Variants in NMNAT2 observed in about 807,000 individuals in gnomAD.
NMNAT2 encodes nicotinamide nucleotide adenylyltransferase 2.
NMNAT2 carries 11 observed loss-of-function variants against 41.6 expected under a neutral mutation model. The ratio of observed to expected loss-of-function variants is 0.26; its 90% CI spans 0.17 to 0.44. The LOEUF (loss-of-function observed/expected upper bound fraction) is 0.44. Ranked by LOEUF, NMNAT2 falls within the 20% of genes least tolerant of loss-of-function variation. The probability of loss-of-function intolerance (pLI) is 1.00; values close to 1 mark genes in which losing one functional copy is unlikely to be tolerated. For synonymous variants in NMNAT2, 148 were observed against 151.2 expected, an observed-to-expected ratio of 0.98 and a Z score of 0.16; for missense variants, 288 against 407.7, an observed-to-expected ratio of 0.71 and a Z score of 2.53.
rs1432751502 is a variant in NMNAT2 at position 183,263,647 on chromosome 1, A to G, written c.652-2344T>C. 2.0e-5 allele frequency among the ~76,000 whole-genome samples: 3 copies of G among 152,170 alleles called. No homozygotes were observed. The East Asian group carries it at 5.8e-4, about 29-fold the overall frequency. ...CGGTGAAACCCTGTCTCTACTAAAA[A>G]TACAAAAAAAATTAGCCGGGCGTGG... On this transcript the variant is annotated intron_variant, in intron 8 of 10. Coordinates refer to ENST00000287713, the MANE Select transcript of NMNAT2 (RefSeq NM_015039.4).
chr1:183,253,847 G>A (rs79353094), intron 10 of NMNAT2, among the ~76,000 whole-genome samples: 15,557 of 151,918 alleles, frequency 0.1, 936 homozygotes, highest in East Asian at 0.2. Context: ...TCCAGGTCTA[G>A]CCAAGTTGTG....
At chr1:183,357,889 C>T (rs888279000) in intron 1 of NMNAT2, among the ~76,000 whole-genome samples, 3 of 152,014 alleles carry the variant, frequency 2.0e-5, no homozygotes, top group Non-Finnish European at 2.9e-5. Context: ...TCAGTAATCC[C>T]ATTATATTTA....
rs1663236338 is a variant in NMNAT2 at position 183,358,150 on chromosome 1, T to C, written c.85+60033A>G. Among the ~76,000 whole-genome samples, 6 of 152,176 alleles carry C rather than the reference T, an allele frequency of 3.9e-5. No homozygotes were observed. The South Asian group carries it at 1.0e-3, about 26-fold the overall frequency. On this transcript the variant is annotated intron_variant, in intron 1 of 10. Transcript: ENST00000287713. ...GGATGAAATTGGAGGCCATTATCCT[T>C]AGCGAACTAATGCAGAAACAGAAAA...
intron 8 of NMNAT2, among the ~76,000 whole-genome samples, chr1:183,277,872 AAT>A (rs1400988846): frequency 6.6e-6 from 1 of 152,184 alleles, no homozygotes; most frequent in Non-Finnish European, 1.5e-5. Flanking sequence ...CTGCCTTGGG[AAT>A]TCAATGTGCA....
At chr1:183,343,441 T>C (rs1662861713) in intron 1 of NMNAT2, among the ~76,000 whole-genome samples, 1 of 152,246 alleles carries the variant, frequency 6.6e-6, no homozygotes, top group South Asian at 2.1e-4. Flanking sequence ...ATCCCAGTCA[T>C]TACATTATAC....
chr1:183,369,514 T>A (rs1446603158), intron 1 of NMNAT2, among the ~76,000 whole-genome samples: 1 of 152,030 alleles, frequency 6.6e-6, no homozygotes, highest in Non-Finnish European at 1.5e-5. Flanking sequence ...CCTGACCTCA[T>A]GATCCACCTG....
chr1:183,372,189 G>A (rs1444639104), intron 1 of NMNAT2, among the ~76,000 whole-genome samples: 1 of 152,170 alleles, frequency 6.6e-6, no homozygotes, highest in African/African-American at 2.4e-5. Flanking sequence ...AAACAAGTAA[G>A]GGCTCCAGAA....
At chr1:183,393,632 C>T (rs1238976130) in intron 1 of NMNAT2, among the ~76,000 whole-genome samples, 4 of 152,216 alleles carry the variant, frequency 2.6e-5, no homozygotes, top group African/African-American at 7.2e-5. Flanking sequence ...CCTGGCTTAC[C>T]GCAACCTCTG....
At chr1:183,378,163 G>A (rs1473330484) in intron 1 of NMNAT2, among the ~76,000 whole-genome samples, 1 of 151,840 alleles carries the variant, frequency 6.6e-6, no homozygotes, top group East Asian at 1.9e-4. Flanking sequence ...AGGCCAAGGT[G>A]TGCAGGTCAC....
intron 1 of NMNAT2, among the ~76,000 whole-genome samples, chr1:183,376,027 G>T (rs1265714761): frequency 6.6e-6 from 1 of 152,174 alleles, no homozygotes; most frequent in African/African-American, 2.4e-5. Flanking sequence ...AAGATGAAAG[G>T]TAAAAAAATT....
At chr1:183,276,181 G>A (rs1661121455) in intron 8 of NMNAT2, among the ~76,000 whole-genome samples, 1 of 152,158 alleles carries the variant, frequency 6.6e-6, no homozygotes, top group South Asian at 2.1e-4. Context: ...TGATCTCCCT[G>A]GGGAATCCAG....
At position 183,284,529 on chromosome 1, in the gene NMNAT2, C is replaced by T. The variant is rs142284036; in HGVS notation, c.529+181G>A. Among the ~76,000 whole-genome samples, 5 of 152,318 alleles carry T rather than the reference C, an allele frequency of 3.3e-5. No individual in the cohort carries two copies. The East Asian group carries it at 7.7e-4, about 23-fold the overall frequency. ...AGGAAGATGTGAAAGACTGAGTCTT[C>T]GATGTGCCCTTGTGTGTGCAACGCC... On this transcript the variant is annotated intron_variant, in intron 6 of 10. Transcript: ENST00000287713.
intron 8 of NMNAT2, among the ~76,000 whole-genome samples, chr1:183,277,022 G>A (rs1028135665): frequency 2.6e-5 from 4 of 152,170 alleles, no homozygotes; most frequent in African/African-American, 7.2e-5. Flanking sequence ...GTGTGTATCT[G>A]TGTGTGTATT....
chr1:183,368,089 T>C (rs911538986), intron 1 of NMNAT2, among the ~76,000 whole-genome samples: 1 of 152,240 alleles, frequency 6.6e-6, no homozygotes, highest in Non-Finnish European at 1.5e-5. Flanking sequence ...CTTATTTCAA[T>C]TTCTAATTTA....
intron 1 of NMNAT2, among the ~76,000 whole-genome samples, chr1:183,385,354 C>A (rs1648189028): frequency 6.6e-6 from 1 of 152,182 alleles, no homozygotes; most frequent in South Asian, 2.1e-4. Context: ...CCCACAGACA[C>A]CAGAAATTTC....
intron 1 of NMNAT2, among the ~76,000 whole-genome samples, chr1:183,391,158 G>A (rs762467656): frequency 8.5e-5 from 13 of 152,074 alleles, no homozygotes; most frequent in Non-Finnish European, 1.6e-4. Flanking sequence ...TGCTTCTTTT[G>A]CCTGCTTCTT....
intron 1 of NMNAT2, among the ~76,000 whole-genome samples, chr1:183,334,104 A>G (rs1030562216): frequency 5.1e-4 from 77 of 152,106 alleles, no homozygotes; most frequent in African/African-American, 1.8e-3. Context: ...TTGCTCTGTC[A>G]CTTAGGCTGG....
In NMNAT2 at chr1:183,250,608, T is replaced by C. The variant is rs1660350278; in HGVS notation, c.*2033A>G. 1.3e-5 allele frequency: 2 copies of C among 152,630 alleles called. No individual in the cohort carries two copies. The highest frequency in any genetic ancestry group is 4.8e-5 in the African/African-American group (2 of 41,450). 9.5% of individuals were successfully genotyped at this position (152,630 alleles called of 1,614,324 possible). On this transcript the variant is annotated 3_prime_UTR_variant, in exon 11 of 11. Coordinates refer to ENST00000287713, the MANE Select transcript of NMNAT2 (RefSeq NM_015039.4). Reference sequence around the variant, plus strand: ...CCTGCTGGCTGACCTGGACCAGCCATTTAATCCCATGGGCCTCTGCTCCCT... The same window carrying C: ...CCTGCTGGCTGACCTGGACCAGCCACTTAATCCCATGGGCCTCTGCTCCCT...
chr1:183,351,915 G>A (rs1663053291), intron 1 of NMNAT2, among the ~76,000 whole-genome samples: 1 of 152,168 alleles, frequency 6.6e-6, no homozygotes, highest in South Asian at 2.1e-4. Context: ...TGATTTGTGA[G>A]GACATAACTG....
Sources: gnomAD v4.1 joint callset for allele counts (sites outside exome capture counted in the v4.1 genomes callset) on GRCh38, gnomAD v4.1.1 for gene constraint, MANE v1.5 for transcripts, NCBI Gene and HGNC (gene_info 2026-07-23, HGNC 2026-07-21) for gene names.